The following DCUN1D2 variants were observed in gnomAD, a reference collection of about 807,000 sequenced individuals.
The protein encoded by DCUN1D2 is defective in cullin neddylation 1 domain containing 2, also known as DCN1-like protein 2.
DCUN1D2 carries 29 observed loss-of-function variants against 30.9 expected under a neutral mutation model. That is an observed-to-expected ratio of 0.94 (90% CI 0.70 to 1.28). DCUN1D2 has a LOEUF of 1.28. Ranked by LOEUF, DCUN1D2 falls within the 50% of genes most tolerant of loss-of-function variation. The probability of loss-of-function intolerance (pLI) is 0.00; values close to 1 mark genes in which losing one functional copy is unlikely to be tolerated. For missense variants in DCUN1D2, 325 were observed against 316.9 expected, an observed-to-expected ratio of 1.03 and a Z score of -0.19; for synonymous variants, 121 against 115.3, an observed-to-expected ratio of 1.05 and a Z score of -0.32.
intron 1 of DCUN1D2, among the ~76,000 whole-genome samples, chr13:113,486,324 A>G (rs866537087): frequency 6.6e-6 from 1 of 152,166 alleles, no homozygotes; most frequent in African/African-American, 2.4e-5. Context: ...ACAAAAAAGG[A>G]CCAACAGACA....
chr13:113,477,660 G>T, intron 3 of DCUN1D2, among the ~76,000 whole-genome samples: 1 of 151,314 alleles, frequency 6.6e-6, no homozygotes, highest in East Asian at 1.9e-4. Flanking sequence ...TTTCCTTTTG[G>T]CCAGATTAAG....
Position 113,474,263 on chromosome 13 carries a change from A to G in DCUN1D2, c.390-9T>C. On this transcript the variant is annotated splice_polypyrimidine_tract_variant and intron_variant, in intron 3 of 6. Transcript: ENST00000478244. ...TCTCCATGCTGTCACACCTGCGATG[A>G]CAGAGAGTGGTTTGTCTTGCAGCAG... 22 of 1,613,208 alleles carry G rather than the reference A, an allele frequency of 1.4e-5. No homozygotes were observed. The highest frequency in any genetic ancestry group is 1.8e-5 in the Non-Finnish European group (21 of 1,179,314).
At chr13:113,472,890 C>T (rs555132286) in intron 4 of DCUN1D2, among the ~76,000 whole-genome samples, 1 of 152,282 alleles carries the variant, frequency 6.6e-6, no homozygotes, top group South Asian at 2.1e-4. Context: ...CAGTGTGGGG[C>T]CGAGACGCGT....
At chr13:113,485,398 T>A (rs1177734988) in intron 1 of DCUN1D2, among the ~76,000 whole-genome samples, 5 of 152,186 alleles carry the variant, frequency 3.3e-5, no homozygotes, top group Non-Finnish European at 5.9e-5. Flanking sequence ...AGGACGTGCC[T>A]GTCACATGTA....
In DCUN1D2 at chr13:113,457,764, T is replaced by C. The variant is rs910409281; in HGVS notation, c.*265A>G. 14 of 408,518 alleles carry C rather than the reference T, an allele frequency of 3.4e-5. No homozygotes were observed. The highest frequency in any genetic ancestry group is 1.8e-4 in the African/African-American group (9 of 50,440). The allele number at this position is 408,518 out of a possible 1,614,324, so 25.3% of individuals were successfully genotyped here. A position where few individuals can be genotyped will look rare whatever the true frequency, so the allele number is the denominator to read the frequency against. On this transcript the variant is annotated 3_prime_UTR_variant, in exon 7 of 7. Coordinates refer to ENST00000478244, the MANE Select transcript of DCUN1D2 (RefSeq NM_001014283.2). ...GCTCTACCTTAGTATTTTGTAAATA[T>C]TAAAAAATCATGCAGAAATTTCCTA... is the stretch of plus-strand genomic sequence containing the variant.
At chr13:113,467,214 G>A (rs1300484731) in intron 4 of DCUN1D2, among the ~76,000 whole-genome samples, 1 of 152,148 alleles carries the variant, frequency 6.6e-6, no homozygotes, top group African/African-American at 2.4e-5. Flanking sequence ...AAGTAATATT[G>A]CTGGTGGTAC....
At chr13:113,466,786 G>A (rs2044409879) in intron 4 of DCUN1D2, among the ~76,000 whole-genome samples, 1 of 148,174 alleles carries the variant, frequency 6.7e-6, no homozygotes, top group Non-Finnish European at 1.5e-5. Context: ...CCCCATTGCT[G>A]TCACTGTCCT....
In DCUN1D2 at chr13:113,482,609, C is replaced by G. The variant is rs1594123416; in HGVS notation, c.220+1231G>C. Among the ~76,000 whole-genome samples the G allele has an allele frequency of 2.0e-5, 3 of 152,290 alleles. No homozygotes were observed. The East Asian group carries it at 5.8e-4, about 29-fold the overall frequency. ...AGACCTAAAAAGAAAGACTAAAGCA[C>G]ACACACAGTATTTTAAAAAGTAAAA... is the stretch of plus-strand genomic sequence containing the variant. On this transcript the variant is annotated intron_variant, in intron 2 of 6. Transcript: ENST00000478244.
At chr13:113,464,718 G>A (rs1473348239) in intron 4 of DCUN1D2, among the ~76,000 whole-genome samples, 3 of 152,264 alleles carry the variant, frequency 2.0e-5, no homozygotes, top group Admixed American at 6.5e-5. Context: ...CCATGGCGGA[G>A]AGCAGCACGG....
At chr13:113,486,770 G>A (rs906200568) in intron 1 of DCUN1D2, among the ~76,000 whole-genome samples, 4 of 152,156 alleles carry the variant, frequency 2.6e-5, no homozygotes, top group African/African-American at 9.7e-5. Flanking sequence ...TCCTCACAAG[G>A]GGAAGGTAGA....
intron 4 of DCUN1D2, among the ~76,000 whole-genome samples, chr13:113,468,723 G>C (rs1466442546): frequency 6.6e-6 from 1 of 152,152 alleles, no homozygotes; most frequent in Non-Finnish European, 1.5e-5. Context: ...CTGAATCTGC[G>C]CATAAAAGCA....
intron 3 of DCUN1D2, chr13:113,478,767 T>C (rs1356281036): frequency 6.6e-6 from 1 of 152,226 alleles, no homozygotes; most frequent in Non-Finnish European, 1.5e-5. Flanking sequence ...ATATTCCTAG[T>C]TTAACTGTAC....
intron 4 of DCUN1D2, among the ~76,000 whole-genome samples, chr13:113,470,791 AC>A (rs1287963068): frequency 6.7e-6 from 1 of 149,174 alleles, no homozygotes; most frequent in African/African-American, 2.5e-5. Flanking sequence ...AAGGGACCCA[AC>A]TCCACAGAAG....
intron 5 of DCUN1D2, among the ~76,000 whole-genome samples, chr13:113,460,182 T>G (rs898306400): frequency 2.6e-5 from 4 of 152,210 alleles, no homozygotes; most frequent in African/African-American, 9.6e-5. Context: ...CCCACAGGAC[T>G]GAGTGACGTC....
At chr13:113,459,011 C>T (rs542712882) in intron 6 of DCUN1D2, among the ~76,000 whole-genome samples, 75 of 152,290 alleles carry the variant, frequency 4.9e-4, no homozygotes, top group African/African-American at 1.4e-3. Flanking sequence ...AGGCATCATG[C>T]GGGACTGAGA....
In DCUN1D2 at chr13:113,456,320, CCTCTGTGACCAT is replaced by C. The variant is rs2044225700; in HGVS notation, c.*1697_*1708del. On this transcript the variant is annotated 3_prime_UTR_variant, in exon 7 of 7. Transcript: ENST00000478244. ...TCCCTTCCAGTCCTGTCCCTGCTGCCCTCTGTGACCATCTCTGCTAAGAAACATCGACAGTTC... is the reference window on the plus strand; with the variant it reads ...TCCCTTCCAGTCCTGTCCCTGCTGCCCTCTGCTAAGAAACATCGACAGTTC... 2 of 398,596 alleles carry C rather than the reference CCTCTGTGACCAT, an allele frequency of 5.0e-6. No homozygotes were observed. The highest frequency in any genetic ancestry group is 8.8e-6 in the Non-Finnish European group (2 of 226,152). 24.7% of individuals were successfully genotyped at this position (398,596 alleles called of 1,614,324 possible).
chr13:113,458,550 G>A (rs2044265044), intron 6 of DCUN1D2, among the ~76,000 whole-genome samples: 1 of 152,226 alleles, frequency 6.6e-6, no homozygotes, highest in African/African-American at 2.4e-5. Context: ...TGCCCTCTGA[G>A]CTCCTGCACT....
chr13:113,461,248 C>T (rs2044313523), intron 4 of DCUN1D2, 112 bp from the exon 5 acceptor site: 1 of 672,684 alleles, frequency 1.5e-6, no homozygotes, highest in Non-Finnish European at 2.5e-6. Flanking sequence ...GTGGCAATCT[C>T]ACCCAAGAGT....
intron 2 of DCUN1D2, among the ~76,000 whole-genome samples, chr13:113,481,107 T>C (rs1273167760): frequency 6.6e-6 from 1 of 152,220 alleles, no homozygotes; most frequent in East Asian, 1.9e-4. Flanking sequence ...TAAAATATAC[T>C]GTATTGATAA....
Sources: gnomAD v4.1 joint callset for allele counts (sites outside exome capture counted in the v4.1 genomes callset) on GRCh38, gnomAD v4.1.1 for gene constraint, MANE v1.5 for transcripts, NCBI Gene and HGNC (gene_info 2026-07-23, HGNC 2026-07-21) for gene names.